The following SGCZ variants were observed in gnomAD, a reference collection of about 807,000 sequenced individuals.
SGCZ encodes sarcoglycan zeta, also known as zeta-sarcoglycan.
Under a neutral mutation model 41.3 loss-of-function variants are expected in SGCZ, and 40 were observed. The observed-to-expected ratio is 0.97, with a 90% CI of 0.75 to 1.26. The LOEUF (loss-of-function observed/expected upper bound fraction) is 1.26. Ranked by LOEUF, SGCZ falls within the 50% of genes most tolerant of loss-of-function variation. The pLI is 0.00. For missense variants in SGCZ, 552 were observed against 369.8 expected, an observed-to-expected ratio of 1.49 and a Z score of -4.04; for synonymous variants, 206 against 137.5, an observed-to-expected ratio of 1.50 and a Z score of -3.49.
At chr8:15,030,266 C>T in intron 1 of SGCZ, among the ~76,000 whole-genome samples, 1 of 152,200 alleles carries the variant, frequency 6.6e-6, no homozygotes, top group South Asian at 2.1e-4. Flanking sequence ...AGATCTTATT[C>T]ATCCTTAACT....
intron 1 of SGCZ, among the ~76,000 whole-genome samples, chr8:14,744,502 T>C (rs1236628468): frequency 1.3e-5 from 2 of 152,152 alleles, no homozygotes; most frequent in Non-Finnish European, 2.9e-5. Context: ...TCCAACTTCC[T>C]TTTTTTCTGG....
intron 4 of SGCZ, chr8:14,165,239 A>T (rs1394253640): frequency 6.6e-6 from 1 of 152,208 alleles, no homozygotes; most frequent in Non-Finnish European, 1.5e-5. Flanking sequence ...ATTTTAATCC[A>T]TTTTATAGTA....
chr8:15,152,920 G>C lies in SGCZ; in HGVS notation c.39+84665C>G, dbSNP rs538165617. On this transcript the variant is annotated intron_variant, in intron 1 of 7. Transcript: ENST00000382080. ...TGGTGTCAACAACCCCACTGCTCCAGTCTCCTGGGTAGAGGAAAGGGTTTT... is the reference window on the plus strand; with the variant it reads ...TGGTGTCAACAACCCCACTGCTCCACTCTCCTGGGTAGAGGAAAGGGTTTT... Among the ~76,000 whole-genome samples the C allele has an allele frequency of 3.9e-5, 6 of 152,278 alleles. No individual in the cohort carries two copies. In the East Asian group the frequency reaches 5.8e-4, roughly 15 times the overall value.
Position 14,570,447 on chromosome 8 carries a change from T to C in SGCZ, c.40-15521A>G, listed in dbSNP as rs555027275. 4.6e-5 allele frequency among the ~76,000 whole-genome samples: 7 copies of C among 152,294 alleles called. No homozygotes were observed. In the East Asian group the frequency reaches 1.3e-3, roughly 29 times the overall value. On this transcript the variant is annotated intron_variant, in intron 1 of 7. Transcript: ENST00000382080. Reference sequence around the variant, plus strand: ...AAGTATATTTGTTCTTTCTGAGTGGTTTATTTATGCAAGGGTAGATTCACC... The same window carrying C: ...AAGTATATTTGTTCTTTCTGAGTGGCTTATTTATGCAAGGGTAGATTCACC...
At chr8:14,558,015 A>T (rs1374655024) in intron 1 of SGCZ, among the ~76,000 whole-genome samples, 1 of 152,148 alleles carries the variant, frequency 6.6e-6, no homozygotes, top group Non-Finnish European at 1.5e-5. Flanking sequence ...AATACAGAAG[A>T]TCATTTAAGG....
chr8:14,761,449 T>C (rs1250714623), intron 1 of SGCZ, among the ~76,000 whole-genome samples: 7 of 151,722 alleles, frequency 4.6e-5, no homozygotes, highest in Non-Finnish European at 1.0e-4. Context: ...GGAAAACTCC[T>C]GTGTCTCATT....
intron 2 of SGCZ, among the ~76,000 whole-genome samples, chr8:14,401,993 G>C (rs532443970): frequency 6.6e-6 from 1 of 152,024 alleles, no homozygotes; most frequent in Non-Finnish European, 1.5e-5. Context: ...ACTGGTGTGG[G>C]ATGGTATCTC....
At chr8:14,555,650 C>A (rs993681369) in intron 1 of SGCZ, among the ~76,000 whole-genome samples, 50 of 151,994 alleles carry the variant, frequency 3.3e-4, no homozygotes, top group Admixed American at 2.2e-3. Flanking sequence ...ATGAATACAC[C>A]AAGCTACACT....
At position 14,417,889 on chromosome 8, in the gene SGCZ, G is replaced by C. The variant is rs140617586; in HGVS notation, c.235-93685C>G. On this transcript the variant is annotated intron_variant, in intron 2 of 7. Transcript: ENST00000382080. ...ATCTCAATAAAGTTGGGAGAAAAAA[G>C]AACCAGATTTTATTTATATTAATCA... is the stretch of plus-strand genomic sequence containing the variant. Among the ~76,000 whole-genome samples the C allele has an allele frequency of 7.6e-4, 115 of 151,810 alleles. 1 individual carries two copies. Among genetic ancestry groups the C allele is most frequent in the African/African-American group, 2.3e-3 (97 of 41,468 alleles).
intron 2 of SGCZ, among the ~76,000 whole-genome samples, chr8:14,467,410 A>G (rs1285786100): frequency 6.6e-6 from 1 of 152,056 alleles, no homozygotes; most frequent in East Asian, 1.9e-4. Context: ...CAGAAGCAAT[A>G]ATCACCAATC....
chr8:14,403,661 A>T (rs910306854), intron 2 of SGCZ, among the ~76,000 whole-genome samples: 1 of 152,114 alleles, frequency 6.6e-6, no homozygotes, highest in African/African-American at 2.4e-5. Context: ...TCATCAAAAA[A>T]CTTATTTTCA....
chr8:14,444,732 C>A (rs187037057), intron 2 of SGCZ, among the ~76,000 whole-genome samples: 16 of 151,812 alleles, frequency 1.1e-4, no homozygotes, highest in Non-Finnish European at 1.5e-4. Flanking sequence ...TTAATGGGTG[C>A]AGCACACCCG....
At chr8:15,153,206 G>T (rs757897155) in intron 1 of SGCZ, among the ~76,000 whole-genome samples, 4 of 151,996 alleles carry the variant, frequency 2.6e-5, no homozygotes, top group African/African-American at 9.7e-5. Flanking sequence ...AAGCCATCAG[G>T]GATTAATTCT....
rs568898282 is a variant in SGCZ at position 14,181,367 on chromosome 8, A to G, written c.425-16665T>C. On this transcript the variant is annotated intron_variant, in intron 4 of 7. Transcript: ENST00000382080. ...TGCCTTAAAATACTCTGCTTTTCTAATGACAGAACTAAAGTGACTGTTTAA... is the reference window on the plus strand; with the variant it reads ...TGCCTTAAAATACTCTGCTTTTCTAGTGACAGAACTAAAGTGACTGTTTAA... Among the ~76,000 whole-genome samples the G allele has an allele frequency of 3.9e-5, 6 of 152,322 alleles. No homozygotes were observed. The South Asian group carries it at 1.0e-3, about 26-fold the overall frequency.
At chr8:15,069,569 G>T (rs948973827) in intron 1 of SGCZ, among the ~76,000 whole-genome samples, 2 of 152,104 alleles carry the variant, frequency 1.3e-5, no homozygotes, top group Non-Finnish European at 2.9e-5. Context: ...CAACCTCCAG[G>T]TTCCATTTCT....
chr8:14,264,825 TG>T (rs1318079300), intron 3 of SGCZ, among the ~76,000 whole-genome samples: 1 of 151,802 alleles, frequency 6.6e-6, no homozygotes, highest in Non-Finnish European at 1.5e-5. Flanking sequence ...TAGCCGGGCG[TG>T]GTGGCGGGCG....
At chr8:15,203,996 A>G (rs559087963) in intron 1 of SGCZ, among the ~76,000 whole-genome samples, 1 of 152,328 alleles carries the variant, frequency 6.6e-6, no homozygotes, top group Non-Finnish European at 1.5e-5. Context: ...CATTTCTCAT[A>G]TTATTGCTTT....
chr8:14,665,810 C>T (rs370534099), intron 1 of SGCZ, among the ~76,000 whole-genome samples: 1 of 152,140 alleles, frequency 6.6e-6, no homozygotes, highest in African/African-American at 2.4e-5. Context: ...TAAAGGGTGA[C>T]AAAAGTCATA....
At position 14,534,112 on chromosome 8, in the gene SGCZ, G is replaced by C. The variant is rs183572888; in HGVS notation, c.234+20620C>G. Among the ~76,000 whole-genome samples, 13 of 152,090 alleles carry C rather than the reference G, an allele frequency of 8.5e-5. No individual in the cohort carries two copies. In the East Asian group the frequency reaches 9.8e-4, roughly 11 times the overall value. Reference sequence around the variant, plus strand: ...CTAAAAAGGTCCCAATACATCCTTCGGGAATCTAGCCACTTGGAGTTGGAA... The same window carrying C: ...CTAAAAAGGTCCCAATACATCCTTCCGGAATCTAGCCACTTGGAGTTGGAA... On this transcript the variant is annotated intron_variant, in intron 2 of 7. Transcript: ENST00000382080.
Sources: gnomAD v4.1 joint callset for allele counts (sites outside exome capture counted in the v4.1 genomes callset) on GRCh38, gnomAD v4.1.1 for gene constraint, MANE v1.5 for transcripts, NCBI Gene and HGNC (gene_info 2026-07-23, HGNC 2026-07-21) for gene names.